KCTD8: variants seen among roughly 807,000 people sequenced by gnomAD.
KCTD8 encodes the protein BTB/POZ domain-containing protein KCTD8.
KCTD8 carries 27 observed loss-of-function variants against 31.5 expected under a neutral mutation model. The ratio of observed to expected loss-of-function variants is 0.86; its 90% confidence interval spans 0.63 to 1.18. The LOEUF is 1.18. Ranked by LOEUF, KCTD8 falls within the 50% of genes most tolerant of loss-of-function variation. KCTD8 has a pLI of 0.00. For synonymous variants in KCTD8, 290 were observed against 280.0 expected (o/e 1.04, Z -0.36); for missense variants, 658 against 647.7 (o/e 1.02, Z -0.17).
intron 1 of KCTD8, among the ~76,000 whole-genome samples, chr4:44,242,195 T>C (rs751198056): frequency 2.6e-5 from 4 of 152,254 alleles, no homozygotes; most frequent in Admixed American, 6.5e-5. Context: ...AACTGTATTA[T>C]ATTATTTAAT....
At chr4:44,313,378 C>T (rs546296839) in intron 1 of KCTD8, among the ~76,000 whole-genome samples, 8 of 152,324 alleles carry the variant, frequency 5.3e-5, no homozygotes, top group Middle Eastern at 6.8e-3. Flanking sequence ...GTCTGTCAGG[C>T]AGTGATGCCC....
chr4:44,354,109 A>G (rs542273257), intron 1 of KCTD8, among the ~76,000 whole-genome samples: 1 of 152,278 alleles, frequency 6.6e-6, no homozygotes, highest in African/African-American at 2.4e-5. Context: ...TTTTGCAATA[A>G]CATATGTATC....
intron 1 of KCTD8, among the ~76,000 whole-genome samples, chr4:44,342,889 G>A (rs376605636): frequency 1.8e-4 from 28 of 152,292 alleles, no homozygotes; most frequent in Middle Eastern, 3.4e-3. Context: ...CAACCAGCTC[G>A]TCTCTCTTAG....
At chr4:44,377,975 A>T (rs1183121486) in intron 1 of KCTD8, among the ~76,000 whole-genome samples, 1 of 151,990 alleles carries the variant, frequency 6.6e-6, no homozygotes, top group Non-Finnish European at 1.5e-5. Flanking sequence ...TGCTGCACAG[A>T]TATTTGCTTT....
intron 1 of KCTD8, chr4:44,293,563 G>A (rs960796237): frequency 6.2e-5 from 24 of 384,794 alleles, no homozygotes; most frequent in Admixed American, 1.9e-4. Context: ...ATAAGAAAAG[G>A]TCAGGGAAAA....
At chr4:44,218,281 G>A (rs902257221) in intron 1 of KCTD8, among the ~76,000 whole-genome samples, 15 of 151,286 alleles carry the variant, frequency 9.9e-5, no homozygotes, top group African/African-American at 3.4e-4. Flanking sequence ...TTATAAGCAT[G>A]CACCACCACA....
At chr4:44,387,675 A>AAGCT (rs1720259513) in intron 1 of KCTD8, among the ~76,000 whole-genome samples, 2 of 150,830 alleles carry the variant, frequency 1.3e-5, no homozygotes, top group Admixed American at 6.6e-5. Context: ...CATATACAGA[A>AAGCT]GAAACTGGAC....
In KCTD8 at chr4:44,175,045, C is replaced by T. The variant is rs1433528259; in HGVS notation, c.1167G>A (p.Leu389=). 3.7e-6 allele frequency: 6 copies of T among 1,613,918 alleles called. No homozygotes were observed. Among genetic ancestry groups the T allele is most frequent in the Non-Finnish European group, 4.2e-6 (5 of 1,179,966 alleles). Residue 389 remains leucine, a synonymous_variant, in exon 2 of 2, where the codon TTG becomes TTA. Coordinates refer to ENST00000360029, the MANE Select transcript of KCTD8 (RefSeq NM_198353.3). ...CAGGTGCTTTTTTAGAGGGGCGATC[C>T]AATGTTAAAGTGTTAGGTTGGTGAG... ...ATAHQPNTLT[L]DRPSKKAPVQ...
intron 1 of KCTD8, among the ~76,000 whole-genome samples, chr4:44,235,976 CA>C (rs1715279110): frequency 6.6e-6 from 1 of 152,066 alleles, no homozygotes. Flanking sequence ...ATGAACCCAA[CA>C]AGAGATGATG....
chr4:44,428,925 T>G (rs1418725246), intron 1 of KCTD8, among the ~76,000 whole-genome samples: 1 of 151,790 alleles, frequency 6.6e-6, no homozygotes, highest in East Asian at 1.9e-4. Flanking sequence ...GTAGGGTCTG[T>G]GTATACCAGT....
chr4:44,401,461 T>C (rs1272495851), intron 1 of KCTD8, among the ~76,000 whole-genome samples: 2 of 151,984 alleles, frequency 1.3e-5, no homozygotes, highest in Non-Finnish European at 2.9e-5. Flanking sequence ...CTTGAGAAAG[T>C]ACAGTTGGGA....
At chr4:44,245,037 G>T (rs77230947) in intron 1 of KCTD8, among the ~76,000 whole-genome samples, 3,484 of 152,130 alleles carry the variant, frequency 0.023, 147 homozygotes, top group African/African-American at 0.08. Flanking sequence ...ATTTCAGTTT[G>T]TTTAAAGAGT....
chr4:44,406,151 G>A (rs2109460259), intron 1 of KCTD8, among the ~76,000 whole-genome samples: 1 of 152,228 alleles, frequency 6.6e-6, no homozygotes, highest in East Asian at 1.9e-4. Context: ...AATATATGGT[G>A]AATATCAATT....
chr4:44,294,534 A>G (rs1387724826), intron 1 of KCTD8, among the ~76,000 whole-genome samples: 1 of 152,204 alleles, frequency 6.6e-6, no homozygotes, highest in Non-Finnish European at 1.5e-5. Flanking sequence ...TTTGACTTAC[A>G]AAAGCATTGG....
chr4:44,229,832 CT>C (rs71188265), intron 1 of KCTD8, among the ~76,000 whole-genome samples: 36,355 of 151,094 alleles, frequency 0.24, 4,455 homozygotes, highest in South Asian at 0.32. Context: ...TTTTCTTTTT[CT>C]TTTTTTTATT....
chr4:44,343,495 A>T (rs1049969076), intron 1 of KCTD8, among the ~76,000 whole-genome samples: 1 of 152,194 alleles, frequency 6.6e-6, no homozygotes, highest in Non-Finnish European at 1.5e-5. Flanking sequence ...ATATTGAGAA[A>T]ATAACCAAAA....
intron 1 of KCTD8, among the ~76,000 whole-genome samples, chr4:44,305,952 T>A (rs1455048022): frequency 6.6e-6 from 1 of 151,748 alleles, no homozygotes; most frequent in Non-Finnish European, 1.5e-5. Context: ...ACTAAAAGCA[T>A]TTCCAAATAA....
chr4:44,230,793 T>C lies in KCTD8; in HGVS notation c.962-55543A>G, dbSNP rs113245757. On this transcript the variant is annotated intron_variant, in intron 1 of 1. Coordinates refer to ENST00000360029, the MANE Select transcript of KCTD8 (RefSeq NM_198353.3). ...CTTGAGCCAAACTATCAGTTCAGCT[T>C]TGCCATTAAATTTTTTTAATATCCA... 5.6e-4 allele frequency among the ~76,000 whole-genome samples: 85 copies of C among 152,250 alleles called. No individual in the cohort carries two copies. The Middle Eastern group carries it at 0.014, about 24-fold the overall frequency.
intron 1 of KCTD8, among the ~76,000 whole-genome samples, chr4:44,197,961 A>G (rs1713995053): frequency 6.6e-6 from 1 of 152,198 alleles, no homozygotes; most frequent in East Asian, 1.9e-4. Flanking sequence ...AAATAATTAA[A>G]CTGAACTTCT....
Sources: allele counts gnomAD v4.1 joint callset (sites outside exome capture counted in the v4.1 genomes callset), GRCh38; gene constraint gnomAD v4.1.1; transcripts MANE v1.5; gene names NCBI Gene and HGNC (gene_info 2026-07-23, HGNC 2026-07-21).